Variants in SYNE1 observed in about 807,000 individuals in gnomAD.
SYNE1 encodes spectrin repeat containing nuclear envelope protein 1, also known as nesprin-1.
In SYNE1, 616 loss-of-function variants were observed where a neutral mutation model predicts 1,111.0. The observed-to-expected ratio is 0.55, with a 90% CI of 0.52 to 0.59. The LOEUF (loss-of-function observed/expected upper bound fraction) is 0.59. SYNE1 is among the 20% of genes least tolerant of loss of function. The pLI, the probability that SYNE1 is intolerant of heterozygous loss-of-function variation, is 0.00. For missense variants in SYNE1, 10,006 were observed against 10,417.0 expected (o/e 0.96, Z 1.72); for synonymous variants, 3,855 against 3,825.8 (o/e 1.01, Z -0.28).
chr6:152,523,595 G>A (rs190138138), intron 5 of SYNE1, among the ~76,000 whole-genome samples: 173 of 152,114 alleles, frequency 1.1e-3, no homozygotes, highest in Admixed American at 2.4e-3. Flanking sequence ...GAAAAATTAT[G>A]TTGGTATTTT....
chr6:152,340,773 T>C (rs2096517629), intron 74 of SYNE1, among the ~76,000 whole-genome samples: 1 of 152,164 alleles, frequency 6.6e-6, no homozygotes, highest in Non-Finnish European at 1.5e-5. Context: ...TGAAACAGGC[T>C]TTCAAAGACT....
intron 57 of SYNE1, 29 bp downstream of exon 57, chr6:152,376,747 T>C (rs766886676): frequency 1.2e-6 from 2 of 1,612,928 alleles, no homozygotes; most frequent in Non-Finnish European, 1.7e-6. Context: ...TATAAAAATA[T>C]CTTGAACACC....
In SYNE1 at chr6:152,218,366, A is replaced by G; in HGVS notation, c.22082T>C (p.Leu7361Ser). The G allele has an allele frequency of 6.2e-7, 1 of 1,614,004 alleles. No individual in the cohort carries two copies. The highest frequency in any genetic ancestry group is 2.2e-5 in the East Asian group (1 of 44,872). The change falls in exon 121 of 146, where the codon TTA becomes TCA. Residue 7361 changes from leucine to serine, a missense_variant. This residue lies in a region of SYNE1 where 2,182 missense variants were observed against 2,287.8 expected (regional missense o/e 0.95). Transcript: ENST00000367255. ...VLDYETFAKS[L>S]EALEAWIVEA... ...CACTATCCAGGCCTCCAAAGCTTCT[A>G]AACTCTTGGCAAAGGTTTCATAATC...
rs2095133775 is a variant in SYNE1, at chr6:152,300,885, G to T, written c.17542-104C>A. On this transcript the variant is annotated intron_variant, in intron 92 of 145. Coordinates refer to ENST00000367255, the MANE Select transcript of SYNE1 (RefSeq NM_182961.4). ...AAACAGAGTTAATTATAAAACGAAG[G>T]TTAAAATTACTGGGACCCGAATTCA... 3.3e-6 allele frequency: 5 copies of T among 1,535,144 alleles called. No individual in the cohort carries two copies. In the Admixed American group the frequency reaches 8.8e-5, roughly 27 times the overall value.
chr6:152,447,710 G>A, intron 28 of SYNE1, 88 bp from the exon 29 acceptor site: 1 of 1,489,142 alleles, frequency 6.7e-7, no homozygotes, highest in African/African-American at 1.4e-5. Context: ...AAAAAGGTTT[G>A]CAGGTGGAGC....
intron 75 of SYNE1, among the ~76,000 whole-genome samples, chr6:152,338,362 C>T (rs896048919): frequency 6.6e-5 from 10 of 152,026 alleles, no homozygotes; most frequent in African/African-American, 2.4e-4. Context: ...TGGCTCATGC[C>T]TGTAATCCCA....
chr6:152,375,187 C>A (rs2097258798), intron 58 of SYNE1, among the ~76,000 whole-genome samples: 1 of 152,118 alleles, frequency 6.6e-6, no homozygotes, highest in Non-Finnish European at 1.5e-5. Context: ...AAGTGATCCA[C>A]CCACTGTGGC....
intron 4 of SYNE1, among the ~76,000 whole-genome samples, chr6:152,531,062 C>T (rs568536809): frequency 7.9e-5 from 12 of 152,030 alleles, no homozygotes; most frequent in Non-Finnish European, 1.2e-4. Context: ...GCCTCGGTAT[C>T]ACAGTGCCTG....
intron 2 of SYNE1, among the ~76,000 whole-genome samples, chr6:152,634,929 C>T (rs189899123): frequency 1.3e-5 from 2 of 152,368 alleles, no homozygotes; most frequent in East Asian, 3.9e-4. Context: ...CCCTGCATGC[C>T]TGTCACATTC....
At chr6:152,225,691 C>A in intron 116 of SYNE1, 30 bp downstream of exon 116, 1 of 1,613,990 alleles carries the variant, frequency 6.2e-7, no homozygotes, top group Non-Finnish European at 8.5e-7. Context: ...AAACACGGTC[C>A]TGGAGCTGGC....
At chr6:152,431,559 GT>G (rs2098428774) in intron 34 of SYNE1, among the ~76,000 whole-genome samples, 1 of 152,156 alleles carries the variant, frequency 6.6e-6, no homozygotes, top group African/African-American at 2.4e-5. Context: ...ATAGAAGCTT[GT>G]TTGTATATAA....
At chr6:152,511,874 C>A (rs1289683128) in intron 6 of SYNE1, among the ~76,000 whole-genome samples, 2 of 152,166 alleles carry the variant, frequency 1.3e-5, no homozygotes, top group African/African-American at 4.8e-5. Context: ...TCATCCACTA[C>A]AAAGTTGTTT....
At chr6:152,389,232 C>T (rs553854955) in intron 53 of SYNE1, among the ~76,000 whole-genome samples, 13 of 152,124 alleles carry the variant, frequency 8.5e-5, no homozygotes, top group South Asian at 2.1e-4. Flanking sequence ...TTCAAAGGTA[C>T]GTGTGCAGAG....
chr6:152,506,963 C>T (rs530595162), intron 8 of SYNE1, among the ~76,000 whole-genome samples: 47 of 152,222 alleles, frequency 3.1e-4, no homozygotes, highest in African/African-American at 1.1e-3. Context: ...ATATATTATG[C>T]ATCATTGAGC....
rs773724652 is a variant in SYNE1 at position 152,371,920 on chromosome 6, AAGGAC to A, written c.9507+1112_9507+1116del. On this transcript the variant is annotated intron_variant, in intron 59 of 145. Transcript: ENST00000367255. ...AAGGAAAGGAAAGGAAAGGAAAGGA[AAGGAC>A]AGGACAGGACAGGAAAGGAAAGGAA... 5.7e-3 allele frequency among the ~76,000 whole-genome samples: 280 copies of A among 48,974 alleles called. 37 individuals carry two copies. Among genetic ancestry groups the A allele is most frequent in the Non-Finnish European group, 8.2e-3 (167 of 20,328 alleles). 32.1% of individuals were successfully genotyped at this position (48,974 alleles called of 152,430 possible).
At chr6:152,514,951 G>A (rs1308749604) in intron 6 of SYNE1, among the ~76,000 whole-genome samples, 2 of 152,206 alleles carry the variant, frequency 1.3e-5, no homozygotes, top group Admixed American at 6.5e-5. Context: ...ACCAGGCGTG[G>A]TGGCTCACAC....
At position 152,510,207 on chromosome 6, in the gene SYNE1, C is replaced by A; in HGVS notation, c.567G>T (p.Gln189His). 1 of 1,613,998 alleles carries A rather than the reference C, an allele frequency of 6.2e-7. No individual in the cohort carries two copies. The highest frequency in any genetic ancestry group is 1.7e-5 in the Admixed American group (1 of 60,010). ...NAKKALLKWV[Q>H]YTAGKQTGIE... ...TTGATACTTACTTGCCAGCTGTGTA[C>A]TGAACCCACTTTAATAAAGCCTTCT... Residue 189 changes from glutamine (Q) to histidine (H), a missense_variant, in exon 8 of 146, where the codon CAG becomes CAT. This residue lies in a region of SYNE1 where 1,971 missense variants were observed against 2,084.1 expected (regional missense o/e 0.95). Coordinates refer to ENST00000367255, the MANE Select transcript of SYNE1 (RefSeq NM_182961.4).
chr6:152,265,513 T>G (rs1183423915), intron 100 of SYNE1, among the ~76,000 whole-genome samples: 1 of 152,134 alleles, frequency 6.6e-6, no homozygotes, highest in African/African-American at 2.4e-5. Flanking sequence ...GAGGTTAAAT[T>G]TCTTTATTGC....
chr6:152,226,729 G>A (rs1314009834), intron 115 of SYNE1, among the ~76,000 whole-genome samples: 2 of 152,142 alleles, frequency 1.3e-5, no homozygotes, highest in East Asian at 3.9e-4. Context: ...GACCTGTCTT[G>A]GGTAAAAGAG....
Sources: allele counts gnomAD v4.1 joint callset (sites outside exome capture counted in the v4.1 genomes callset), GRCh38; gene constraint gnomAD v4.1.1; regional missense constraint gnomAD v4.1.1; transcripts MANE v1.5; gene names NCBI Gene and HGNC (gene_info 2026-07-23, HGNC 2026-07-21).